Variants in TBC1D23 observed in about 807,000 individuals in gnomAD.
TBC1D23 encodes TBC1 domain family member 23, also known as HCV non-structural protein 4A-transactivated protein 1.
A neutral mutation model predicts 91.4 loss-of-function variants in TBC1D23; 55 were observed. The ratio of observed to expected loss-of-function variants is 0.60; its 90% CI spans 0.48 to 0.75. TBC1D23 has a LOEUF of 0.75. TBC1D23 is among the 30% of genes least tolerant of loss of function. The pLI, the probability that TBC1D23 is intolerant of heterozygous loss-of-function variation, is 0.00. For synonymous variants in TBC1D23, 289 were observed against 281.0 expected (o/e 1.03, Z -0.28); for missense variants, 725 against 836.1 (o/e 0.87, Z 1.64).
rs1312675697 is a variant in TBC1D23 at position 100,319,207 on chromosome 3, A to G, written c.1823+3A>G. Reference sequence around the variant, plus strand: ...GAAAGTGGACACATGTTTCCCAGGTACTTTTAAAAATGTCTTCATAAGAAG... The same window carrying G: ...GAAAGTGGACACATGTTTCCCAGGTGCTTTTAAAAATGTCTTCATAAGAAG... On this transcript the variant is annotated splice_donor_region_variant and intron_variant, in intron 17 of 18. Coordinates refer to ENST00000394144, the MANE Select transcript of TBC1D23 (RefSeq NM_001199198.3). The G allele has an allele frequency of 3.8e-6, 6 of 1,597,478 alleles. No individual in the cohort carries two copies.
intron 3 of TBC1D23, among the ~76,000 whole-genome samples, chr3:100,283,171 G>A (rs906185303): frequency 7.9e-5 from 12 of 152,130 alleles, no homozygotes; most frequent in African/African-American, 1.9e-4. Context: ...TCAGGAGTTC[G>A]AGACCAGCCT....
chr3:100,295,938 A>G (rs530485406), intron 7 of TBC1D23, among the ~76,000 whole-genome samples: 1 of 152,324 alleles, frequency 6.6e-6, no homozygotes, highest in Admixed American at 6.5e-5. Flanking sequence ...TAGAATTCTA[A>G]TTAAGGTTAA....
chr3:100,294,237 T>C (rs919037402), intron 5 of TBC1D23, among the ~76,000 whole-genome samples: 4 of 151,940 alleles, frequency 2.6e-5, no homozygotes, highest in African/African-American at 9.7e-5. Context: ...TTGAAGGATA[T>C]GAATGTTATT....
At chr3:100,273,439 C>G (rs2067618356) in intron 1 of TBC1D23, among the ~76,000 whole-genome samples, 1 of 152,156 alleles carries the variant, frequency 6.6e-6, no homozygotes, top group Non-Finnish European at 1.5e-5. Flanking sequence ...TCTTTCTTTT[C>G]CCCACAAAAG....
intron 3 of TBC1D23, among the ~76,000 whole-genome samples, chr3:100,282,306 A>G (rs1023509293): frequency 4.6e-5 from 7 of 152,212 alleles, no homozygotes; most frequent in South Asian, 4.1e-4. Flanking sequence ...GTGAGACTCT[A>G]TCTCAAAGAA....
chr3:100,306,608 T>G, intron 13 of TBC1D23, 65 bp downstream of exon 13: 1 of 891,238 alleles, frequency 1.1e-6, no homozygotes, highest in Non-Finnish European at 1.9e-6. Flanking sequence ...GATTAACTAC[T>G]AAACCCCCAC....
chr3:100,306,224 G>A (rs567507305), intron 12 of TBC1D23, among the ~76,000 whole-genome samples: 3 of 152,246 alleles, frequency 2.0e-5, no homozygotes, highest in Admixed American at 1.3e-4. Flanking sequence ...AAAGTTATCC[G>A]TGTACAGAGG....
chr3:100,314,091 ATTT>A (rs71299383), intron 15 of TBC1D23, among the ~76,000 whole-genome samples: 5 of 94,564 alleles, frequency 5.3e-5, no homozygotes, highest in Non-Finnish European at 9.9e-5. Flanking sequence ...AGGCTACAAA[ATTT>A]TTTTTTTTTT....
intron 1 of TBC1D23, among the ~76,000 whole-genome samples, chr3:100,265,129 A>C (rs116378676): frequency 1.0e-3 from 152 of 152,226 alleles, no homozygotes; most frequent in African/African-American, 3.3e-3. Flanking sequence ...ATTGTTCTTT[A>C]GATAATGAAC....
intron 1 of TBC1D23, among the ~76,000 whole-genome samples, chr3:100,261,834 C>A (rs1171253573): frequency 6.6e-6 from 1 of 152,156 alleles, no homozygotes; most frequent in Non-Finnish European, 1.5e-5. Flanking sequence ...GTTGATCTCA[C>A]GATACACTGT....
intron 15 of TBC1D23, 58 bp downstream of exon 15, chr3:100,311,935 T>C: frequency 8.5e-7 from 1 of 1,171,000 alleles, no homozygotes; most frequent in Non-Finnish European, 1.2e-6. Context: ...ATATGCTTCA[T>C]GCCATCTATA....
In TBC1D23 at chr3:100,297,871, A is replaced by T. The variant is rs1302065165; in HGVS notation, c.877-52A>T. The stretch of plus-strand genomic sequence containing the variant: ...ATGGTTTAATAAGAATATTTTTAGG[A>T]AGAAAGTTTGATTTTTTTTTTCATA... On this transcript the variant is annotated intron_variant, in intron 8 of 18. Transcript: ENST00000394144. 4 of 1,451,348 alleles carry T rather than the reference A, an allele frequency of 2.8e-6. No homozygotes were observed. In the East Asian group the frequency reaches 7.0e-5, roughly 26 times the overall value. 89.9% of individuals were successfully genotyped at this position (1,451,348 alleles called of 1,614,324 possible).
chr3:100,308,191 G>C (rs905739924), intron 13 of TBC1D23, among the ~76,000 whole-genome samples: 2 of 152,104 alleles, frequency 1.3e-5, no homozygotes, highest in Non-Finnish European at 2.9e-5. Flanking sequence ...AAAAATGAAA[G>C]TAGGCCGGGC....
chr3:100,320,904 C>G lies in TBC1D23; in HGVS notation c.1951C>G (p.Pro651Ala), dbSNP rs766251210. Residue 651 changes from proline (P) to alanine (A), a missense_variant, in exon 18 of 19, where the codon CCT (proline) becomes GCT (alanine). Pro to Ala is a conservative substitution (Grantham distance 27, BLOSUM62 -1). Coordinates refer to ENST00000394144, the MANE Select transcript of TBC1D23 (RefSeq NM_001199198.3). Reference protein sequence around the residue: ...VVKITSKKKHPELITFKYGNS... With the variant: ...VVKITSKKKHAELITFKYGNS... The stretch of plus-strand genomic sequence containing the variant: ...TAAAATTACATCCAAAAAAAAACAT[C>G]CTGAACTCATTACCTTCAAGTATGG... 53 of 1,612,680 alleles carry G rather than the reference C, an allele frequency of 3.3e-5. 1 individual carries two copies. The Middle Eastern group carries it at 5.0e-4, about 15-fold the overall frequency.
chr3:100,264,717 CTTG>C (rs1188949464), intron 1 of TBC1D23, among the ~76,000 whole-genome samples: 2 of 152,154 alleles, frequency 1.3e-5, no homozygotes, highest in Non-Finnish European at 2.9e-5. Context: ...AGCCATTGAA[CTTG>C]TTGAAATTGT....
In TBC1D23 at chr3:100,295,282, G is replaced by T; in HGVS notation, c.726-20G>T. 2 of 1,606,324 alleles carry T rather than the reference G, an allele frequency of 1.2e-6. No homozygotes were observed. The highest frequency in any genetic ancestry group is 2.2e-5 in the South Asian group (2 of 89,152). ...GCTCTGTTAATATTTAACTCAAATT[G>T]ATTTGATTCCCTTTTACAGAGAAGT... On this transcript the variant is annotated intron_variant, in intron 6 of 18. Coordinates refer to ENST00000394144, the MANE Select transcript of TBC1D23 (RefSeq NM_001199198.3).
At position 100,324,148 on chromosome 3, in the gene TBC1D23, T is replaced by C. The variant is rs1294484610; in HGVS notation, c.*480T>C. ...ACTAAAACATAGATTAATAATTCAC[T>C]CACTGTTTCTATTCTTCTTAAAAAG... On this transcript the variant is annotated 3_prime_UTR_variant, in exon 19 of 19. Transcript: ENST00000394144. 6.6e-6 allele frequency: 1 copy of C among 152,196 alleles called. No homozygotes were observed. Among genetic ancestry groups the C allele is most frequent in the Non-Finnish European group, 1.5e-5 (1 of 68,026 alleles). The allele number at this position is 152,196 out of a possible 1,614,324, so 9.4% of individuals were successfully genotyped here.
chr3:100,287,413 A>G (rs2067753368), intron 4 of TBC1D23, among the ~76,000 whole-genome samples: 1 of 152,234 alleles, frequency 6.6e-6, no homozygotes. Context: ...CAGTTGTTAA[A>G]TGAATAATTG....
intron 4 of TBC1D23, among the ~76,000 whole-genome samples, chr3:100,286,939 C>T (rs890452322): frequency 2.8e-4 from 42 of 150,698 alleles, no homozygotes; most frequent in African/African-American, 2.4e-4. Context: ...CTTCAGCCCC[C>T]GAGTAGCTGG....
Sources: gnomAD v4.1 joint callset for allele counts (sites outside exome capture counted in the v4.1 genomes callset) on GRCh38, gnomAD v4.1.1 for gene constraint, MANE v1.5 for transcripts, NCBI Gene and HGNC (gene_info 2026-07-23, HGNC 2026-07-21) for gene names.